Variants in LRIF1 observed in about 807,000 individuals in gnomAD.
LRIF1 encodes ligand-dependent nuclear receptor-interacting factor 1.
A neutral mutation model predicts 52.7 loss-of-function variants in LRIF1; 32 were observed. The observed-to-expected ratio is 0.61, with a 90% CI of 0.46 to 0.82. LRIF1 has a LOEUF of 0.82. LRIF1 is among the 40% of genes least tolerant of loss of function. The probability of loss-of-function intolerance (pLI) is 0.00; values close to 1 mark genes in which losing one functional copy is unlikely to be tolerated. For synonymous variants in LRIF1, 323 were observed against 317.4 expected, an observed-to-expected ratio of 1.02 and a Z score of -0.19; for missense variants, 887 against 892.0, an observed-to-expected ratio of 0.99 and a Z score of 0.07.
the LRIF1 span, among the ~76,000 whole-genome samples, chr1:110,932,239 G>C: frequency 6.6e-6 from 1 of 152,094 alleles, no homozygotes; most frequent in Non-Finnish European, 1.5e-5. Flanking sequence ...ATTAAATAGG[G>C]AATCTTTCCC....
the LRIF1 span, chr1:110,899,059 C>G: frequency 7.3e-6 from 9 of 1,237,572 alleles, no homozygotes; most frequent in Admixed American, 6.9e-5. Flanking sequence ...GAGGCCAATC[C>G]CAGGCATTGT....
downstream of LRIF1, among the ~76,000 whole-genome samples, chr1:110,946,036 A>G (rs1413049879): frequency 6.6e-6 from 1 of 152,192 alleles, no homozygotes; most frequent in Non-Finnish European, 1.5e-5. Context: ...CCATTAAAAA[A>G]CCTTGTACAC....
intron 3 of LRIF1, 138 bp from the exon 4 acceptor site, chr1:110,948,537 G>C (rs1024739075): frequency 5.4e-6 from 7 of 1,293,958 alleles, no homozygotes; most frequent in Non-Finnish European, 7.2e-6. Context: ...GACAACTACA[G>C]CAAGAGGGAA....
chr1:110,918,242 G>A, the LRIF1 span, among the ~76,000 whole-genome samples: 6 of 152,258 alleles, frequency 3.9e-5, no homozygotes, highest in South Asian at 4.1e-4. Flanking sequence ...CTGATGTCAA[G>A]ATAAGATTGT....
intron 1 of LRIF1, among the ~76,000 whole-genome samples, chr1:110,960,858 T>C (rs1310665981): frequency 6.6e-6 from 1 of 152,334 alleles, no homozygotes; most frequent in African/African-American, 2.4e-5. Context: ...GATCCTTATA[T>C]GTAGATCACT....
Position 110,963,666 on chromosome 1 carries a change from A to C in LRIF1, c.23T>G (p.Val8Gly). 6.2e-7 allele frequency: 1 copy of C among 1,609,870 alleles called. No individual in the cohort carries two copies. Among genetic ancestry groups the C allele is most frequent in the South Asian group, 1.1e-5 (1 of 90,786 alleles). MSNNLRR[V>G]FLKPAEENSG... is the part of the protein sequence containing the mutation. ...ATTTTCCTCTGCGGGTTTCAGGAAG[A>C]CCCTCCGTAGGTTATTTGACATTTT... Residue 8 changes from valine (V) to glycine (G), a missense_variant, in exon 1 of 4, where the codon GTC (valine) becomes GGC (glycine). Coordinates refer to ENST00000369763, the MANE Select transcript of LRIF1 (RefSeq NM_018372.4).
chr1:110,923,533 C>T, the LRIF1 span, among the ~76,000 whole-genome samples: 1 of 151,966 alleles, frequency 6.6e-6, no homozygotes, highest in South Asian at 2.1e-4. Flanking sequence ...TATCATGATG[C>T]AATTTTGGTA....
the LRIF1 span, among the ~76,000 whole-genome samples, chr1:110,932,548 C>T: frequency 2.0e-5 from 3 of 152,132 alleles, no homozygotes; most frequent in Non-Finnish European, 4.4e-5. Flanking sequence ...ATGGGGATAG[C>T]ATTGAATCTA....
the LRIF1 span, among the ~76,000 whole-genome samples, chr1:110,895,277 G>T: frequency 6.6e-6 from 1 of 152,164 alleles, no homozygotes; most frequent in Non-Finnish European, 1.5e-5. Context: ...ACATGAATAG[G>T]TTTATTTTCT....
the LRIF1 span, among the ~76,000 whole-genome samples, chr1:110,883,536 A>G: frequency 6.6e-6 from 1 of 151,890 alleles, no homozygotes; most frequent in Non-Finnish European, 1.5e-5. Context: ...TTCTGCTTTT[A>G]GTATCTGAAA....
the LRIF1 span, among the ~76,000 whole-genome samples, chr1:110,931,991 G>A: frequency 1.3e-5 from 2 of 152,182 alleles, no homozygotes; most frequent in Non-Finnish European, 2.9e-5. Flanking sequence ...GGTTTAATTA[G>A]ATCCCATTTG....
At chr1:110,884,300 A>G in the LRIF1 span, among the ~76,000 whole-genome samples, 1 of 151,978 alleles carries the variant, frequency 6.6e-6, no homozygotes, top group African/African-American at 2.4e-5. Flanking sequence ...TAGTTTCCCA[A>G]TTTGAGGAAA....
chr1:110,943,677 T>C (rs1042655414), downstream of LRIF1: 1 of 152,210 alleles, frequency 6.6e-6, no homozygotes, highest in African/African-American at 2.4e-5. Flanking sequence ...AGCTAGACCT[T>C]CTAGATGTCT....
At chr1:110,957,470 C>CAAAAAAAAAA (rs34396800) in intron 1 of LRIF1, among the ~76,000 whole-genome samples, 1,948 of 42,686 alleles carry the variant, frequency 0.046, 334 homozygotes, top group African/African-American at 0.071. Flanking sequence ...GACTCAGTCT[C>CAAAAAAAAAA]AAAAAAAAAA....
the LRIF1 span, among the ~76,000 whole-genome samples, chr1:110,900,561 T>C: frequency 2.5e-3 from 384 of 152,216 alleles, 1 homozygote; most frequent in African/African-American, 8.9e-3. Context: ...GAGATGGGGT[T>C]TCACCATGTT....
the LRIF1 span, among the ~76,000 whole-genome samples, chr1:110,915,251 C>T: frequency 6.7e-6 from 1 of 150,312 alleles, no homozygotes; most frequent in Non-Finnish European, 1.5e-5. Context: ...TTTGGGAGGC[C>T]GAGGCGGGCG....
the LRIF1 span, chr1:110,895,141 G>A: frequency 1.0e-6 from 1 of 992,522 alleles, no homozygotes; most frequent in South Asian, 1.3e-5. Flanking sequence ...TTTTCTGGAA[G>A]TTTCAGAATC....
At chr1:110,897,561 C>T in the LRIF1 span, 2 of 325,548 alleles carry the variant, frequency 6.1e-6, no homozygotes, top group African/African-American at 2.1e-5. Context: ...TAGTTTAACT[C>T]AGCGGGTAAG....
At chr1:110,892,316 T>A in the LRIF1 span, 1 of 1,585,066 alleles carries the variant, frequency 6.3e-7, no homozygotes, top group East Asian at 2.2e-5. Context: ...ACATTTTGCT[T>A]CAGGATGTTG....
Sources: allele counts gnomAD v4.1 joint callset (sites outside exome capture counted in the v4.1 genomes callset), GRCh38; gene constraint gnomAD v4.1.1; transcripts MANE v1.5; gene names NCBI Gene and HGNC (gene_info 2026-07-23, HGNC 2026-07-21).